GNL3L: variants seen among roughly 807,000 people sequenced by gnomAD.
GNL3L encodes the protein G protein nucleolar 3 like.
Under a neutral mutation model 42.9 loss-of-function variants are expected in GNL3L, and 4 were observed. The observed-to-expected ratio is 0.09, with a 90% CI of 0.05 to 0.21. GNL3L has a LOEUF of 0.21. Among genes scored for constraint, GNL3L ranks in the 10% least tolerant of loss-of-function variants. The pLI is 1.00. For synonymous variants in GNL3L, 159 were observed against 176.3 expected (o/e 0.90, Z 0.78); for missense variants, 412 against 481.7 (o/e 0.86, Z 1.36).
At chrX:54,558,341 C>G in intron 14 of GNL3L, 95 bp from the exon 15 acceptor site, 1 of 606,035 alleles carries the variant, frequency 1.7e-6, no homozygotes. Context: ...GGCTCCTGTT[C>G]TTACCCAAGC....
intron 16 of GNL3L, among the ~76,000 whole-genome samples, chrX:54,618,416 TTC>T (rs1408182989): frequency 5.4e-5 from 6 of 111,537 alleles, no homozygotes; most frequent in Non-Finnish European, 1.1e-4. Flanking sequence ...GTCTTACGAA[TTC>T]TCTCTTTTCA....
intron 16 of GNL3L, among the ~76,000 whole-genome samples, chrX:54,583,261 C>T (rs1029691426): frequency 2.7e-5 from 3 of 110,496 alleles, no homozygotes; most frequent in African/African-American, 6.6e-5. Context: ...GGCATGATCT[C>T]GGCTCACTGC....
rs1569542593 is a variant in GNL3L at position 54,607,053 on chromosome X, TTTC to T, written c.*46-13789_*46-13787del. Among the ~76,000 whole-genome samples the T allele has an allele frequency of 3.9e-4, 26 of 67,086 alleles. 1 individual carries two copies. Among genetic ancestry groups the T allele is most frequent in the African/African-American group, 2.1e-3 (24 of 11,187 alleles). 58.3% of individuals were successfully genotyped at this position (67,086 alleles called of 115,157 possible). A position where few individuals can be genotyped will look rare whatever the true frequency, so the allele number is the denominator to read the frequency against. ...CTTTCTTTCTTTCTTTCTTTCTTTC[TTTC>T]TTTCTTTCTTTCTTTCTCTTTCTTT... is the stretch of plus-strand genomic sequence containing the variant. On this transcript the variant is annotated intron_variant, in intron 16 of 16. Coordinates refer to the GNL3L transcript ENST00000674498.
chrX:54,607,010 TTCTTTC>T (rs1926076330), intron 16 of GNL3L, among the ~76,000 whole-genome samples: 1 of 31,093 alleles, frequency 3.2e-5, no homozygotes, highest in Non-Finnish European at 4.6e-5. Context: ...CTTTCTTTCT[TTCTTTC>T]TTTCTTTCTT....
Position 54,560,583 on chromosome X carries a change from A to G in GNL3L, c.1730A>G (p.Asp577Gly), listed in dbSNP as rs751769610. ...MSALDLSGNA[D>G]DGVGD ...GCTCTCGACCTCTCTGGCAATGCTG[A>G]TGATGGTGTTGGTGACTAATCGACT... The change falls in exon 16 of 16, where the codon GAT becomes GGT. Residue 577 changes from aspartate to glycine, a missense_variant. Coordinates refer to ENST00000360845, the MANE Select transcript of GNL3L (RefSeq NM_001184819.2). The G allele has an allele frequency of 8.7e-7, 1 of 1,155,952 alleles. No individual in the cohort carries two copies. The highest frequency in any genetic ancestry group is 2.2e-5 in the Admixed American group (1 of 46,018).
chrX:54,579,327 T>A (rs1925674694), intron 16 of GNL3L, among the ~76,000 whole-genome samples: 1 of 112,084 alleles, frequency 8.9e-6, no homozygotes, highest in South Asian at 3.6e-4. Flanking sequence ...TTTTCTAAAG[T>A]TCTATAATGT....
rs552797712 is a variant in GNL3L, at chrX:54,530,952, C to T, written c.-48+533C>T. 1.7e-3 allele frequency among the ~76,000 whole-genome samples: 190 copies of T among 111,686 alleles called. 1 individual carries two copies. The highest frequency in any genetic ancestry group is 4.6e-3 in the Middle Eastern group (1 of 218). On this transcript the variant is annotated intron_variant, in intron 1 of 15. Coordinates refer to ENST00000360845, the MANE Select transcript of GNL3L (RefSeq NM_001184819.2). The stretch of plus-strand genomic sequence containing the variant: ...CCTCAGTATCGCTCCCCAACTCACC[C>T]GTCCCCAAAGTGGTTGCAGTTACAG...
the GNL3L span, among the ~76,000 whole-genome samples, chrX:54,642,735 A>G: frequency 9.0e-6 from 1 of 110,926 alleles, no homozygotes. Context: ...TTTCTGTCAT[A>G]TAAACTCCTT....
chrX:54,625,284 G>GTT (rs1406022526), downstream of GNL3L, among the ~76,000 whole-genome samples: 5 of 96,512 alleles, frequency 5.2e-5, no homozygotes, highest in African/African-American at 2.0e-4. Context: ...CTCTGGTTTT[G>GTT]TTTTGTTTTT....
At chrX:54,575,459 G>A (rs1406405305) in intron 16 of GNL3L, among the ~76,000 whole-genome samples, 2 of 112,686 alleles carry the variant, frequency 1.8e-5, no homozygotes, top group East Asian at 2.8e-4. Context: ...AAGGCCGAGT[G>A]CAGTGGCTCA....
chrX:54,633,338 C>A, the GNL3L span, among the ~76,000 whole-genome samples: 1 of 111,645 alleles, frequency 9.0e-6, no homozygotes, highest in African/African-American at 3.3e-5. Context: ...GTTGCTTTAA[C>A]CTTCCACCAG....
intron 16 of GNL3L, among the ~76,000 whole-genome samples, chrX:54,585,502 A>T (rs1207236615): frequency 9.0e-6 from 1 of 111,466 alleles, no homozygotes; most frequent in Non-Finnish European, 1.9e-5. Context: ...TGTTTCTAGA[A>T]ATGTATCCAT....
chrX:54,550,937 C>T (rs776062004), intron 9 of GNL3L, 26 bp from the exon 10 acceptor site: 28 of 839,565 alleles, frequency 3.3e-5, no homozygotes, highest in Non-Finnish European at 4.7e-5. Flanking sequence ...CTCTTCTGCC[C>T]TGAGCCATCT....
chrX:54,574,519 C>T (rs1473074310), intron 16 of GNL3L, among the ~76,000 whole-genome samples: 4 of 111,941 alleles, frequency 3.6e-5, no homozygotes, highest in Admixed American at 9.5e-5. Flanking sequence ...TTTCATATGC[C>T]ACTGGATTCA....
chrX:54,579,389 A>G (rs931673089), intron 16 of GNL3L, among the ~76,000 whole-genome samples: 1 of 111,528 alleles, frequency 9.0e-6, no homozygotes, highest in Non-Finnish European at 1.9e-5. Flanking sequence ...ATAAATTTTG[A>G]GGTTTTAAAA....
At chrX:54,591,465 C>T (rs185064214) in intron 16 of GNL3L, among the ~76,000 whole-genome samples, 10 of 109,217 alleles carry the variant, frequency 9.2e-5, no homozygotes, top group South Asian at 4.0e-4. Flanking sequence ...TGGTGGCAGG[C>T]GCCTGTAGTC....
At chrX:54,600,660 T>A (rs1925995198) in intron 16 of GNL3L, among the ~76,000 whole-genome samples, 1 of 110,867 alleles carries the variant, frequency 9.0e-6, no homozygotes, top group Non-Finnish European at 1.9e-5. Context: ...AAGGGTAGGC[T>A]CTTTATTATT....
chrX:54,552,615 C>T (rs1411245670), intron 13 of GNL3L, among the ~76,000 whole-genome samples, 187 bp downstream of exon 13: 2 of 111,428 alleles, frequency 1.8e-5, no homozygotes, highest in African/African-American at 6.5e-5. Flanking sequence ...CCTGGCAGGG[C>T]GGGTTGGGGG....
At position 54,564,469 on chromosome X, in the gene GNL3L, G is replaced by A. The variant is rs768429816; in HGVS notation, c.*3867G>A. Among the ~76,000 whole-genome samples the A allele has an allele frequency of 3.0e-5, 3 of 100,577 alleles. No homozygotes were observed. Among genetic ancestry groups the A allele is most frequent in the Non-Finnish European group, 6.0e-5 (3 of 50,085 alleles). 87.3% of individuals were successfully genotyped at this position (100,577 alleles called of 115,157 possible). ...GTCCAGGCTGGAGTGGTGCAGTGGC[G>A]TGATCTCGGTTCACTGCAACCTCCG... On this transcript the variant is annotated 3_prime_UTR_variant, in exon 16 of 16. Transcript: ENST00000360845.
Sources: allele counts gnomAD v4.1 joint callset (sites outside exome capture counted in the v4.1 genomes callset), GRCh38; gene constraint gnomAD v4.1.1; transcripts MANE v1.5; gene names NCBI Gene and HGNC (gene_info 2026-07-23, HGNC 2026-07-21).